The following DCDC2C variants were observed in gnomAD, a reference collection of about 807,000 sequenced individuals.
DCDC2C encodes doublecortin domain-containing protein 2C.
A neutral mutation model predicts 45.0 loss-of-function variants in DCDC2C; 44 were observed. The observed-to-expected ratio is 0.98, with a 90% CI of 0.77 to 1.26. The LOEUF (loss-of-function observed/expected upper bound fraction) is 1.26, where lower values mean the gene tolerates loss of function less well. DCDC2C is among the 50% of genes most tolerant of loss of function. DCDC2C has a pLI of 0.00. For missense variants in DCDC2C, 447 were observed against 468.9 expected, an observed-to-expected ratio of 0.95 and a Z score of 0.43; for synonymous variants, 187 against 178.8, an observed-to-expected ratio of 1.05 and a Z score of -0.37.
At chr2:3,788,698 G>A (rs747047512) in intron 10 of DCDC2C, among the ~76,000 whole-genome samples, 66 of 152,112 alleles carry the variant, frequency 4.3e-4, no homozygotes, top group Non-Finnish European at 1.2e-4. Context: ...TCAAAGCAAA[G>A]TCCTTTTAAA....
chr2:3,809,031 T>G (rs2148211044), intron 10 of DCDC2C, among the ~76,000 whole-genome samples: 2 of 152,362 alleles, frequency 1.3e-5, no homozygotes, highest in Middle Eastern at 3.4e-3. Flanking sequence ...TTAAAGTTAC[T>G]TGCATTTTTT....
intron 2 of DCDC2C, among the ~76,000 whole-genome samples, chr2:3,715,639 G>C (rs1238359150): frequency 6.7e-6 from 1 of 148,960 alleles, no homozygotes; most frequent in Non-Finnish European, 1.5e-5. Flanking sequence ...TGTGTATTTG[G>C]AAGTGTTTGC....
rs1670744288 is a variant in DCDC2C, at chr2:3,789,283, CT to C, written c.1065+4188del. Among the ~76,000 whole-genome samples the C allele has an allele frequency of 2.6e-5, 4 of 152,298 alleles. No individual in the cohort carries two copies. The South Asian group carries it at 8.3e-4, about 32-fold the overall frequency. Reference sequence around the variant, plus strand: ...AAAACTCCACGTGGCATCCAGAGGCCTTTTTCCTGCCCTATTTCCAGACTTC... The same window carrying C: ...AAAACTCCACGTGGCATCCAGAGGCCTTTTCCTGCCCTATTTCCAGACTTC... On this transcript the variant is annotated intron_variant, in intron 10 of 10. Transcript: ENST00000399143.
intron 10 of DCDC2C, among the ~76,000 whole-genome samples, chr2:3,832,468 G>GTGT (rs944516641): frequency 6.6e-6 from 1 of 152,234 alleles, no homozygotes; most frequent in Admixed American, 6.5e-5. Flanking sequence ...TTGTAGGAGA[G>GTGT]TGTTGGGTGC....
Position 3,785,078 on chromosome 2 carries a change from TTTGTGAAGACG to T in DCDC2C, c.1047_1057del (p.Cys349Ter). On this transcript the variant is annotated frameshift_variant, in exon 10 of 11. Transcript: ENST00000399143. LOFTEE classifies it high-confidence loss of function. ...TACTAGGATAAAGAAGATGCAAGGCTTTGTGAAGACGTTGAAAGAAAGGTTTGTATCAACAA... is the reference window on the plus strand; with the variant it reads ...TACTAGGATAAAGAAGATGCAAGGCTTTGAAAGAAAGGTTTGTATCAACAA... 6 of 1,231,752 alleles carry T rather than the reference TTTGTGAAGACG, an allele frequency of 4.9e-6. No individual in the cohort carries two copies. The highest frequency in any genetic ancestry group is 6.1e-6 in the Non-Finnish European group (6 of 987,972). The allele number at this position is 1,231,752 out of a possible 1,614,324, so 76.3% of individuals were successfully genotyped here.
intron 3 of DCDC2C, among the ~76,000 whole-genome samples, chr2:3,730,869 C>T (rs72771220): frequency 0.12 from 18,302 of 152,256 alleles, 1,510 homozygotes; most frequent in Non-Finnish European, 0.19. Context: ...GGCCCTCACT[C>T]TTTTGGCCTC....
intron 10 of DCDC2C, among the ~76,000 whole-genome samples, chr2:3,835,620 T>C (rs373109242): frequency 5.6e-4 from 85 of 152,358 alleles, no homozygotes; most frequent in African/African-American, 1.9e-3. Context: ...GAAGTAACAG[T>C]GAACTAGATG....
At chr2:3,726,701 A>G (rs970077526) in intron 2 of DCDC2C, among the ~76,000 whole-genome samples, 22 of 152,180 alleles carry the variant, frequency 1.4e-4, no homozygotes, top group African/African-American at 4.8e-4. Context: ...TAGCATGGAC[A>G]CACAACCTTT....
intron 10 of DCDC2C, among the ~76,000 whole-genome samples, chr2:3,807,904 A>G (rs188067707): frequency 5.9e-5 from 9 of 152,270 alleles, no homozygotes; most frequent in Non-Finnish European, 8.8e-5. Flanking sequence ...ATTCCTGTCA[A>G]TTGCCTAGTA....
chr2:3,728,693 C>T (rs967869896), intron 3 of DCDC2C, among the ~76,000 whole-genome samples: 2 of 152,214 alleles, frequency 1.3e-5, no homozygotes, highest in Non-Finnish European at 2.9e-5. Flanking sequence ...GATCGTGTTC[C>T]TCGGAGTCCT....
intron 3 of DCDC2C, among the ~76,000 whole-genome samples, chr2:3,728,608 G>C (rs1668767924): frequency 6.6e-6 from 1 of 152,072 alleles, no homozygotes; most frequent in South Asian, 2.1e-4. Context: ...CCTTTGTCTT[G>C]GTGTGTTGGA....
chr2:3,811,932 A>G (rs972473625), intron 10 of DCDC2C, among the ~76,000 whole-genome samples: 1 of 152,284 alleles, frequency 6.6e-6, no homozygotes, highest in East Asian at 1.9e-4. Context: ...GAGGAAGCTG[A>G]CTTCATTGTG....
At chr2:3,783,481 C>T (rs1398848697) in intron 9 of DCDC2C, among the ~76,000 whole-genome samples, 8 of 152,224 alleles carry the variant, frequency 5.3e-5, no homozygotes, top group African/African-American at 1.4e-4. Context: ...GTCCTTCCTA[C>T]GCCGTCCAAA....
chr2:3,828,175 C>T (rs926667108), intron 10 of DCDC2C, among the ~76,000 whole-genome samples: 2 of 152,134 alleles, frequency 1.3e-5, no homozygotes, highest in Non-Finnish European at 2.9e-5. Context: ...TAGACATTTC[C>T]TTTTGATTTT....
chr2:3,760,874 G>A (rs978663401), intron 6 of DCDC2C, among the ~76,000 whole-genome samples: 3 of 151,752 alleles, frequency 2.0e-5, no homozygotes, highest in African/African-American at 7.3e-5. Context: ...CCAAGGAAAT[G>A]GAAAAAAAAA....
At chr2:3,758,799 C>T (rs1669798168) in intron 6 of DCDC2C, among the ~76,000 whole-genome samples, 1 of 152,220 alleles carries the variant, frequency 6.6e-6, no homozygotes, top group African/African-American at 2.4e-5. Flanking sequence ...GCTGGCCTCA[C>T]TAACACATCT....
At chr2:3,804,596 G>T (rs1671187930) in intron 10 of DCDC2C, among the ~76,000 whole-genome samples, 1 of 152,084 alleles carries the variant, frequency 6.6e-6, no homozygotes, top group Non-Finnish European at 1.5e-5. Flanking sequence ...AAATGATTTT[G>T]ATAATCAAAA....
intron 2 of DCDC2C, among the ~76,000 whole-genome samples, chr2:3,717,127 T>C (rs988570896): frequency 9.2e-5 from 14 of 152,156 alleles, no homozygotes; most frequent in Non-Finnish European, 1.3e-4. Flanking sequence ...CACTGCTGTT[T>C]TGTAGGGTGC....
At chr2:3,779,154 TC>T (rs1179197559) in intron 9 of DCDC2C, among the ~76,000 whole-genome samples, 1 of 152,160 alleles carries the variant, frequency 6.6e-6, no homozygotes, top group Non-Finnish European at 1.5e-5. Context: ...TAAAAACTTT[TC>T]CCCCAGCAAG....
Sources: gnomAD v4.1 joint callset for allele counts (sites outside exome capture counted in the v4.1 genomes callset) on GRCh38, gnomAD v4.1.1 for gene constraint, MANE v1.5 for transcripts, NCBI Gene and HGNC (gene_info 2026-07-23, HGNC 2026-07-21) for gene names.